CELSR1: variants seen among roughly 807,000 people sequenced by gnomAD.
CELSR1 encodes the protein cadherin EGF LAG seven-pass G-type receptor 1.
In CELSR1, 110 loss-of-function variants were observed where a neutral mutation model predicts 249.1. That is an observed-to-expected ratio of 0.44 (90% CI 0.38 to 0.52). The LOEUF is 0.52. CELSR1 is among the 20% of genes least tolerant of loss of function. The pLI, the probability that CELSR1 is intolerant of heterozygous loss-of-function variation, is 0.00. For synonymous variants in CELSR1, 2,113 were observed against 1,900.0 expected (o/e 1.11, Z -2.92); for missense variants, 4,109 against 4,296.4 (o/e 0.96, Z 1.22).
Position 46,411,744 on chromosome 22 carries a change from G to T in CELSR1, c.4627C>A (p.Leu1543Met). 3 of 1,614,156 alleles carry T rather than the reference G, an allele frequency of 1.9e-6. No homozygotes were observed. The highest frequency in any genetic ancestry group is 2.5e-6 in the Non-Finnish European group (3 of 1,180,046). Residue 1543 changes from leucine (L) to methionine (M), a missense_variant, in exon 6 of 35, where the codon CTG becomes ATG. Transcript: ENST00000674500. The surrounding 1 kb of genome is among the most constrained non-coding windows in gnomAD (Gnocchi z 4.2). ...CCGGACGGCCCATGGGGCAGGCCCA[G>T]GTGGCCAATATTGGGCTGTAAGAAG... ...QYYNKPNIGH[L>M]GLPHGPSGEK...
chr22:46,370,521 A>G (rs1482159889), intron 25 of CELSR1, among the ~76,000 whole-genome samples: 1 of 152,168 alleles, frequency 6.6e-6, no homozygotes, highest in East Asian at 1.9e-4. Flanking sequence ...TGTCACTCCC[A>G]GCCACAGTGT....
In CELSR1 at chr22:46,391,068, C is replaced by G; in HGVS notation, c.6250+118G>C. The G allele has an allele frequency of 1.3e-6, 1 of 785,696 alleles. No homozygotes were observed. Among genetic ancestry groups the G allele is most frequent in the African/African-American group, 1.7e-5 (1 of 58,050 alleles). The allele number at this position is 785,696 out of a possible 1,614,324, so 48.7% of individuals were successfully genotyped here. A position where few individuals can be genotyped will look rare whatever the true frequency, so the allele number is the denominator to read the frequency against. Reference sequence around the variant, plus strand: ...AAAAGGCGATCGGATTTCTCCCCAGCACTTTGCCTGCGGATATTTTTTCAA... The same window carrying G: ...AAAAGGCGATCGGATTTCTCCCCAGGACTTTGCCTGCGGATATTTTTTCAA... On this transcript the variant is annotated intron_variant, in intron 16 of 34. Coordinates refer to ENST00000674500, the MANE Select transcript of CELSR1 (RefSeq NM_001378328.1). The surrounding 1 kb of genome is among the most constrained non-coding windows in gnomAD (Gnocchi z 4.3).
At chr22:46,513,243 C>T (rs1048061135) in intron 1 of CELSR1, among the ~76,000 whole-genome samples, 3 of 152,194 alleles carry the variant, frequency 2.0e-5, no homozygotes, top group Non-Finnish European at 2.9e-5. Context: ...TATCCAACTA[C>T]GGCCTTTATT....
At position 46,363,974 on chromosome 22, in the gene CELSR1, C is replaced by G; in HGVS notation, c.9035+22G>C. 6.4e-7 allele frequency: 1 copy of G among 1,570,150 alleles called. No homozygotes were observed. The highest frequency in any genetic ancestry group is 8.6e-7 in the Non-Finnish European group (1 of 1,159,332). On this transcript the variant is annotated intron_variant, in intron 34 of 34. Coordinates refer to ENST00000674500, the MANE Select transcript of CELSR1 (RefSeq NM_001378328.1). This position sits in a 1 kb window ranked among gnomAD's most constrained non-coding sequence, Gnocchi z 4.3. ...CAAGGGGGAAGTGGGTGATCCCCGCCCTGGAGGCCCAGGCTACTCACTCAG... is the reference window on the plus strand; with the variant it reads ...CAAGGGGGAAGTGGGTGATCCCCGCGCTGGAGGCCCAGGCTACTCACTCAG...
chr22:46,462,625 G>T (rs2080043677), intron 2 of CELSR1, among the ~76,000 whole-genome samples: 1 of 144,262 alleles, frequency 6.9e-6, no homozygotes, highest in Non-Finnish European at 1.5e-5. Flanking sequence ...ACCAAATCCT[G>T]CCTAATCCCA....
chr22:46,394,473 GAC>G (rs2079127754), intron 13 of CELSR1, among the ~76,000 whole-genome samples: 1 of 152,062 alleles, frequency 6.6e-6, no homozygotes, highest in Non-Finnish European at 1.5e-5. Flanking sequence ...TGCCCAAAGC[GAC>G]TGGGATGACA....
At position 46,533,635 on chromosome 22, in the gene CELSR1, G is replaced by C; in HGVS notation, c.3536C>G (p.Ser1179Cys). Residue 1179 changes from serine (S) to cysteine (C), a missense_variant, in exon 1 of 35, where the codon TCT (serine) becomes TGT (cysteine). Ser to Cys is a moderately radical substitution (Grantham distance 112). Around this residue, in one of 7 missense-constraint regions of CELSR1, gnomAD observed 886 missense variants for 896.5 expected, o/e 0.99. Coordinates refer to ENST00000674500, the MANE Select transcript of CELSR1 (RefSeq NM_001378328.1). ...NRPLEALMEV[S>C]VSDGIHSVTA... ...CCCCGACGGCCACTCACCAGACACA[G>C]ACACCTCCATGAGCGCCTCCAGCGG... The C allele has an allele frequency of 6.4e-7, 1 of 1,568,240 alleles. No individual in the cohort carries two copies. Among genetic ancestry groups the C allele is most frequent in the Non-Finnish European group, 8.6e-7 (1 of 1,160,946 alleles).
rs552502474 is a variant in CELSR1, at chr22:46,505,760, G to A, written c.3544+27867C>T. Among the ~76,000 whole-genome samples, 11 of 152,296 alleles carry A rather than the reference G, an allele frequency of 7.2e-5. No homozygotes were observed. In the East Asian group the frequency reaches 1.3e-3, roughly 19 times the overall value. On this transcript the variant is annotated intron_variant, in intron 1 of 34. Coordinates refer to ENST00000674500, the MANE Select transcript of CELSR1 (RefSeq NM_001378328.1). Reference sequence around the variant, plus strand: ...ATGTTCGGAAAGACACCCAGAAAGCGTTGATTTGCTACTTTATGCACCTCT... The same window carrying A: ...ATGTTCGGAAAGACACCCAGAAAGCATTGATTTGCTACTTTATGCACCTCT...
In CELSR1 at chr22:46,374,728, G is replaced by T. The variant is rs1293025443; in HGVS notation, c.7585-1671C>A. Among the ~76,000 whole-genome samples, 1 of 152,232 alleles carries T rather than the reference G, an allele frequency of 6.6e-6. No homozygotes were observed. Among genetic ancestry groups the T allele is most frequent in the Non-Finnish European group, 1.5e-5 (1 of 68,038 alleles). ...TCACGCCACTCAAAAGCACACTAGA[G>T]GGGTTTTGAGATGAAATCCGCACAC... is the stretch of plus-strand genomic sequence containing the variant. On this transcript the variant is annotated intron_variant, in intron 24 of 34. Transcript: ENST00000674500. The surrounding 1 kb of genome is among the most constrained non-coding windows in gnomAD (Gnocchi z 4.3).
Position 46,512,287 on chromosome 22 carries a change from C to T in CELSR1, c.3544+21340G>A, listed in dbSNP as rs2080581543. Among the ~76,000 whole-genome samples, 1 of 151,842 alleles carries T rather than the reference C, an allele frequency of 6.6e-6. No individual in the cohort carries two copies. The highest frequency in any genetic ancestry group is 2.1e-4 in the South Asian group (1 of 4,828). ...TCAGCCCCCAAATCAAGGTCCAATA[C>T]TGGCCAGGTGCGGTGGCACATGCCT... On this transcript the variant is annotated intron_variant, in intron 1 of 34. Coordinates refer to ENST00000674500, the MANE Select transcript of CELSR1 (RefSeq NM_001378328.1). The surrounding 1 kb of genome is among the most constrained non-coding windows in gnomAD (Gnocchi z 5.2).
At chr22:46,485,466 C>T (rs775097476) in intron 1 of CELSR1, among the ~76,000 whole-genome samples, 1 of 152,156 alleles carries the variant, frequency 6.6e-6, no homozygotes, top group African/African-American at 2.4e-5. Flanking sequence ...TCCGTTTGGA[C>T]GGGAGGAGGC....
Position 46,434,313 on chromosome 22 carries a change from G to A in CELSR1, c.4523-832C>T, listed in dbSNP as rs2079632459. Among the ~76,000 whole-genome samples the A allele has an allele frequency of 6.6e-6, 1 of 152,220 alleles. No individual in the cohort carries two copies. ...GGCGAGTCCCTTTGGGGATTCTGGG[G>A]CACAACCCTGAGTCAGCAGCAGCAG... On this transcript the variant is annotated intron_variant, in intron 4 of 34. Transcript: ENST00000674500. This position sits in a 1 kb window ranked among gnomAD's most constrained non-coding sequence, Gnocchi z 4.9.
At chr22:46,450,424 G>A (rs2079870354) in intron 2 of CELSR1, among the ~76,000 whole-genome samples, 1 of 152,258 alleles carries the variant, frequency 6.6e-6, no homozygotes, top group Admixed American at 6.5e-5. Context: ...ATTTGGGGAT[G>A]AGAACATGAG....
intron 1 of CELSR1, among the ~76,000 whole-genome samples, chr22:46,481,984 G>GC (rs1274141925): frequency 1.2e-4 from 18 of 152,102 alleles, no homozygotes; most frequent in Admixed American, 1.2e-3. Flanking sequence ...TGTTGGACAG[G>GC]CTGGTCTCGA....
In CELSR1 at chr22:46,464,337, G is replaced by A; in HGVS notation, c.3553C>T (p.His1185Tyr). 1 of 1,609,162 alleles carries A rather than the reference G, an allele frequency of 6.2e-7. No homozygotes were observed. Among genetic ancestry groups the A allele is most frequent in the Non-Finnish European group, 8.5e-7 (1 of 1,177,480 alleles). The change falls in exon 2 of 35, where the codon CAC becomes TAC. Residue 1185 changes from histidine (H) to tyrosine (Y), a missense_variant. Coordinates refer to ENST00000674500, the MANE Select transcript of CELSR1 (RefSeq NM_001378328.1). The surrounding 1 kb of genome is among the most constrained non-coding windows in gnomAD (Gnocchi z 8.5). ...AGGGTGCAGAAGGCCGTGACGCTGTGGATGCCATCTGCAGACACAAGGAAA... is the reference window on the plus strand; with the variant it reads ...AGGGTGCAGAAGGCCGTGACGCTGTAGATGCCATCTGCAGACACAAGGAAA... ...LMEVSVSDGI[H>Y]SVTAFCTLRV... is the part of the protein sequence containing the mutation.
rs2080150361 is a variant in CELSR1 at position 46,471,013 on chromosome 22, T to C, written c.3545-6668A>G. ...TGTGGTGCACATCTGTAATCCTAGC[T>C]ACTTGGGAGACTGAGGCAGGAGAAT... On this transcript the variant is annotated intron_variant, in intron 1 of 34. Coordinates refer to ENST00000674500, the MANE Select transcript of CELSR1 (RefSeq NM_001378328.1). The surrounding 1 kb of genome is among the most constrained non-coding windows in gnomAD (Gnocchi z 4.9). Among the ~76,000 whole-genome samples, 1 of 152,012 alleles carries C rather than the reference T, an allele frequency of 6.6e-6. No homozygotes were observed. Among genetic ancestry groups the C allele is most frequent in the South Asian group, 2.1e-4 (1 of 4,828 alleles).
At position 46,393,784 on chromosome 22, in the gene CELSR1, G is replaced by C. The variant is rs1292990802; in HGVS notation, c.5964+358C>G. The stretch of plus-strand genomic sequence containing the variant: ...AGGAAAATGGCCAACCAGGAGGCCA[G>C]GAGGGCCGGGGTGGTGCCATAGATG... On this transcript the variant is annotated intron_variant, in intron 14 of 34. Transcript: ENST00000674500. This position sits in a 1 kb window ranked among gnomAD's most constrained non-coding sequence, Gnocchi z 4.1. Among the ~76,000 whole-genome samples the C allele has an allele frequency of 6.6e-6, 1 of 151,954 alleles. No individual in the cohort carries two copies. The highest frequency in any genetic ancestry group is 1.5e-5 in the Non-Finnish European group (1 of 68,004).
At position 46,390,247 on chromosome 22, in the gene CELSR1, G is replaced by C. The variant is rs139280400; in HGVS notation, c.6345+145C>G. The C allele has an allele frequency of 2.8e-5, 17 of 609,232 alleles. No individual in the cohort carries two copies. The highest frequency in any genetic ancestry group is 4.1e-5 in the Non-Finnish European group (15 of 365,784). The allele number at this position is 609,232 out of a possible 1,614,324, so 37.7% of individuals were successfully genotyped here. On this transcript the variant is annotated intron_variant, in intron 17 of 34. Transcript: ENST00000674500. The surrounding 1 kb of genome is among the most constrained non-coding windows in gnomAD (Gnocchi z 6.3). ...GTCCACAGGAACCTGCTGGCTCCAG[G>C]CTGCGGGCCCGTGGGGCTGTCCCTG...
At position 46,535,832 on chromosome 22, in the gene CELSR1, T is replaced by C. The variant is rs765756157; in HGVS notation, c.1339A>G (p.Ile447Val). ...TTGTCGTTCTCGTCCTCCACCTCGA[T>C]GTACACGGTGGCCGTGGCACTGAGC... The part of the protein sequence containing the change: ...GPLSATATVY[I>V]EVEDENDNYP... The change falls in exon 1 of 35, where the codon ATC (isoleucine) becomes GTC (valine). Residue 447 changes from isoleucine to valine, a missense_variant. Ile to Val is a conservative substitution (Grantham distance 29). This residue lies in a region of CELSR1 where 135 missense variants were observed against 190.0 expected (regional missense o/e 0.71). Transcript: ENST00000674500. The C allele has an allele frequency of 3.1e-6, 5 of 1,612,068 alleles. No individual in the cohort carries two copies. The highest frequency in any genetic ancestry group is 4.2e-6 in the Non-Finnish European group (5 of 1,179,984).
Sources: gnomAD v4.1 joint callset for allele counts (sites outside exome capture counted in the v4.1 genomes callset) on GRCh38, gnomAD v4.1.1 for gene constraint, gnomAD v4.1.1 regional missense constraint, Gnocchi (gnomAD v3.1) non-coding constraint, MANE v1.5 for transcripts, NCBI Gene and HGNC (gene_info 2026-07-23, HGNC 2026-07-21) for gene names.